SNX9: variants seen among roughly 807,000 people sequenced by gnomAD.
The protein encoded by SNX9 is sorting nexin 9.
In SNX9, 44 loss-of-function variants were observed where a neutral mutation model predicts 89.4. The observed-to-expected ratio is 0.49, with a 90% CI of 0.39 to 0.63. The LOEUF (loss-of-function observed/expected upper bound fraction) is 0.63, where lower values mean the gene tolerates loss of function less well. SNX9 is among the 30% of genes least tolerant of loss of function. The pLI, the probability that SNX9 is intolerant of heterozygous loss-of-function variation, is 0.00. For missense variants in SNX9, 578 were observed against 736.1 expected, an observed-to-expected ratio of 0.79 and a Z score of 2.49; for synonymous variants, 236 against 247.8, an observed-to-expected ratio of 0.95 and a Z score of 0.45.
At chr6:157,855,972 C>A (rs890137333) in intron 1 of SNX9, among the ~76,000 whole-genome samples, 1 of 152,214 alleles carries the variant, frequency 6.6e-6, no homozygotes, top group Non-Finnish European at 1.5e-5. Flanking sequence ...TGCTCTTGAA[C>A]GCCTGACCTC....
chr6:157,854,405 A>G (rs1323457794), intron 1 of SNX9, among the ~76,000 whole-genome samples: 1 of 152,252 alleles, frequency 6.6e-6, no homozygotes. Flanking sequence ...AAGAGTCCTA[A>G]GAGAAAATAT....
intron 4 of SNX9, among the ~76,000 whole-genome samples, chr6:157,894,131 A>T (rs1322047617): frequency 2.8e-5 from 2 of 71,952 alleles, no homozygotes; most frequent in Admixed American, 1.5e-4. Flanking sequence ...TTTTTTTGAG[A>T]CAGAGTCTCT....
At chr6:157,894,203 G>A (rs1782927499) in intron 4 of SNX9, among the ~76,000 whole-genome samples, 1 of 141,368 alleles carries the variant, frequency 7.1e-6, no homozygotes, top group Admixed American at 7.5e-5. Flanking sequence ...TCCGCCTCCT[G>A]GATTCAAGCA....
At chr6:157,895,390 T>C (rs757914256) in intron 4 of SNX9, among the ~76,000 whole-genome samples, 2 of 152,316 alleles carry the variant, frequency 1.3e-5, no homozygotes, top group East Asian at 3.9e-4. Flanking sequence ...TTTAAAAAGT[T>C]GCTCTATTCC....
chr6:157,839,126 A>T lies in SNX9; in HGVS notation c.12+15680A>T, dbSNP rs561480118. 3.3e-5 allele frequency among the ~76,000 whole-genome samples: 5 copies of T among 152,340 alleles called. No homozygotes were observed. The South Asian group carries it at 1.0e-3, about 32-fold the overall frequency. ...TTAATAAAATACAGGTTTACTTAAA[A>T]ACGCTGGACTTCATAGTACCTTTTT... On this transcript the variant is annotated intron_variant, in intron 1 of 17. Coordinates refer to ENST00000392185, the MANE Select transcript of SNX9 (RefSeq NM_016224.5).
At chr6:157,857,951 T>A (rs1246039025) in intron 1 of SNX9, among the ~76,000 whole-genome samples, 1 of 152,218 alleles carries the variant, frequency 6.6e-6, no homozygotes, top group African/African-American at 2.4e-5. Flanking sequence ...TGCGTGGTTC[T>A]TGTGGTCTGG....
chr6:157,828,567 C>G, intron 1 of SNX9, among the ~76,000 whole-genome samples: 1 of 152,032 alleles, frequency 6.6e-6, no homozygotes, highest in East Asian at 1.9e-4. Flanking sequence ...GAACACAGCT[C>G]ACGGCAGTCT....
At chr6:157,892,678 C>G (rs1339472330) in intron 4 of SNX9, 1 of 152,146 alleles carries the variant, frequency 6.6e-6, no homozygotes, top group Admixed American at 6.5e-5. Flanking sequence ...AGGACACTTG[C>G]TATGAATAGT....
chr6:157,909,650 G>A lies in SNX9; in HGVS notation c.706-15G>A. The A allele has an allele frequency of 2.5e-6, 4 of 1,607,412 alleles. No individual in the cohort carries two copies. Among genetic ancestry groups the A allele is most frequent in the Non-Finnish European group, 3.4e-6 (4 of 1,178,180 alleles). On this transcript the variant is annotated splice_polypyrimidine_tract_variant and intron_variant, in intron 7 of 17. Transcript: ENST00000392185. Reference sequence around the variant, plus strand: ...CCATGTAACAAAATTACTTCTTTCTGGAACATTGGCATAGGTTGGAGATTA... The same window carrying A: ...CCATGTAACAAAATTACTTCTTTCTAGAACATTGGCATAGGTTGGAGATTA...
intron 9 of SNX9, among the ~76,000 whole-genome samples, chr6:157,920,841 A>C (rs1334890227): frequency 6.6e-6 from 1 of 152,196 alleles, no homozygotes; most frequent in Admixed American, 6.5e-5. Context: ...CTGACTTTCT[A>C]CTTTTAAAAC....
intron 7 of SNX9, among the ~76,000 whole-genome samples, chr6:157,909,182 G>T (rs1268806765): frequency 6.6e-6 from 1 of 152,170 alleles, no homozygotes; most frequent in East Asian, 1.9e-4. Flanking sequence ...TCTGAAAACT[G>T]CTTGTTCCTG....
At chr6:157,917,867 G>A (rs1197116257) in intron 9 of SNX9, among the ~76,000 whole-genome samples, 1 of 151,994 alleles carries the variant, frequency 6.6e-6, no homozygotes, top group African/African-American at 2.4e-5. Context: ...TGAATCCATG[G>A]GTGCAGAGAC....
At chr6:157,877,053 CA>C (rs1782534791) in intron 4 of SNX9, among the ~76,000 whole-genome samples, 1 of 151,978 alleles carries the variant, frequency 6.6e-6, no homozygotes, top group Non-Finnish European at 1.5e-5. Flanking sequence ...GTGAGGCAAA[CA>C]AAAAATAGAA....
chr6:157,856,205 A>G (rs907165159), intron 1 of SNX9, among the ~76,000 whole-genome samples: 3 of 152,218 alleles, frequency 2.0e-5, no homozygotes, highest in African/African-American at 4.8e-5. Flanking sequence ...AAATTCTCCT[A>G]AGATTTTCTT....
intron 13 of SNX9, 23 bp downstream of exon 13, chr6:157,932,295 A>T (rs1783827454): frequency 1.2e-6 from 2 of 1,611,028 alleles, no homozygotes; most frequent in Non-Finnish European, 1.7e-6. Context: ...TCATTCATCC[A>T]GTGGGCCTTT....
chr6:157,912,084 C>T (rs1204108179), intron 9 of SNX9, among the ~76,000 whole-genome samples: 1 of 152,152 alleles, frequency 6.6e-6, no homozygotes, highest in Non-Finnish European at 1.5e-5. Context: ...TACCTCAACC[C>T]GGTTCAGACA....
intron 9 of SNX9, among the ~76,000 whole-genome samples, chr6:157,917,923 G>A (rs149313757): frequency 1.4e-3 from 208 of 152,102 alleles, no homozygotes; most frequent in African/African-American, 5.0e-3. Flanking sequence ...CAACTATCTG[G>A]CCATTTCCTG....
At chr6:157,935,444 A>T (rs1364068558) in intron 13 of SNX9, among the ~76,000 whole-genome samples, 1 of 152,134 alleles carries the variant, frequency 6.6e-6, no homozygotes, top group Non-Finnish European at 1.5e-5. Context: ...GTGACATATC[A>T]CCAGAGACAC....
At chr6:157,879,101 G>A (rs189076053) in intron 4 of SNX9, among the ~76,000 whole-genome samples, 88 of 152,340 alleles carry the variant, frequency 5.8e-4, no homozygotes, top group African/African-American at 2.0e-3. Flanking sequence ...TTCGGGGCTG[G>A]TTCGGTAATG....
Sources: gnomAD v4.1 joint callset for allele counts (sites outside exome capture counted in the v4.1 genomes callset) on GRCh38, gnomAD v4.1.1 for gene constraint, MANE v1.5 for transcripts, NCBI Gene and HGNC (gene_info 2026-07-23, HGNC 2026-07-21) for gene names.